The following KIFAP3 variants were observed in gnomAD, a reference collection of about 807,000 sequenced individuals.
KIFAP3 encodes kinesin-associated protein 3.
A neutral mutation model predicts 106.5 loss-of-function variants in KIFAP3; 68 were observed. That is an observed-to-expected ratio of 0.64 (90% CI 0.53 to 0.78). The LOEUF is 0.78. Ranked by LOEUF, KIFAP3 falls within the 30% of genes least tolerant of loss-of-function variation. The pLI is 0.00. For synonymous variants in KIFAP3, 320 were observed against 311.5 expected (o/e 1.03, Z -0.29); for missense variants, 780 against 941.8 (o/e 0.83, Z 2.25).
At chr1:169,962,441 T>C (rs556186507) in intron 17 of KIFAP3, among the ~76,000 whole-genome samples, 1 of 152,262 alleles carries the variant, frequency 6.6e-6, no homozygotes, top group Admixed American at 6.5e-5. Context: ...AATGATAGCA[T>C]GGATAGAAAA....
intron 17 of KIFAP3, among the ~76,000 whole-genome samples, chr1:169,972,267 T>C (rs688565): frequency 0.97 from 148,037 of 152,140 alleles, 72,048 homozygotes; most frequent in East Asian, 1. Flanking sequence ...AGTGACTCTG[T>C]GATGACATGT....
At chr1:170,010,593 T>C (rs1668194162) in intron 10 of KIFAP3, among the ~76,000 whole-genome samples, 1 of 152,010 alleles carries the variant, frequency 6.6e-6, no homozygotes, top group African/African-American at 2.4e-5. Context: ...AAGTAAACTT[T>C]GAGTGAAGTT....
chr1:170,044,157 G>C (rs1361774819), intron 3 of KIFAP3, among the ~76,000 whole-genome samples: 1 of 152,136 alleles, frequency 6.6e-6, no homozygotes, highest in African/African-American at 2.4e-5. Flanking sequence ...TATCAAAGTT[G>C]AAATGTTTAT....
intron 1 of KIFAP3, 85 bp downstream of exon 1, chr1:170,074,351 T>A: frequency 3.6e-6 from 5 of 1,375,870 alleles, no homozygotes; most frequent in South Asian, 1.3e-5. Context: ...AAACTAGCGT[T>A]GCCCAGTGAC....
intron 19 of KIFAP3, among the ~76,000 whole-genome samples, chr1:169,940,774 A>G (rs1279009358): frequency 6.6e-6 from 1 of 152,138 alleles, no homozygotes; most frequent in Non-Finnish European, 1.5e-5. Context: ...AAAATAATAC[A>G]ATTAGAATAA....
chr1:169,932,949 A>G (rs941509183), intron 19 of KIFAP3, among the ~76,000 whole-genome samples: 29 of 152,026 alleles, frequency 1.9e-4, no homozygotes, highest in African/African-American at 6.8e-4. Context: ...AATAATAGTC[A>G]AATTACATTT....
At position 169,982,858 on chromosome 1, in the gene KIFAP3, C is replaced by T. The variant is rs751623926; in HGVS notation, c.1516G>A (p.Gly506Arg). ...PTKNLFIDYV[G>R]DLAAQISNDE... Reference sequence around the variant, plus strand: ...TTAGAGATCTGGGCTGCAAGGTCCCCAACATAATCCTGAATAAAACATAAT... The same window carrying T: ...TTAGAGATCTGGGCTGCAAGGTCCCTAACATAATCCTGAATAAAACATAAT... Residue 506 changes from glycine to arginine, a missense_variant, in exon 14 of 20, where the codon GGG becomes AGG. Physicochemically the swap from Gly to Arg is moderately radical, Grantham distance 125. Coordinates refer to ENST00000361580, the MANE Select transcript of KIFAP3 (RefSeq NM_014970.4). The T allele has an allele frequency of 6.8e-7, 1 of 1,473,914 alleles. No individual in the cohort carries two copies. The highest frequency in any genetic ancestry group is 9.1e-7 in the Non-Finnish European group (1 of 1,103,158). The allele number at this position is 1,473,914 out of a possible 1,614,324, so 91.3% of individuals were successfully genotyped here.
intron 10 of KIFAP3, among the ~76,000 whole-genome samples, chr1:170,007,482 G>A (rs149479570): frequency 1.3e-5 from 2 of 152,040 alleles, no homozygotes; most frequent in East Asian, 1.9e-4. Flanking sequence ...TAACTAGAAG[G>A]TAAAAGAAGT....
In KIFAP3 at chr1:169,921,457, C is replaced by T. The variant is rs1373309567; in HGVS notation, c.*219G>A. On this transcript the variant is annotated 3_prime_UTR_variant, in exon 20 of 20. Transcript: ENST00000361580. Reference sequence around the variant, plus strand: ...GTGGCTCATGGGAAATGTTACTTAGCATCAAGATGTGGTTTGATGAGTGAA... The same window carrying T: ...GTGGCTCATGGGAAATGTTACTTAGTATCAAGATGTGGTTTGATGAGTGAA... The T allele has an allele frequency of 1.1e-5, 4 of 367,016 alleles. No individual in the cohort carries two copies. The highest frequency in any genetic ancestry group is 1.1e-4 in the South Asian group (2 of 17,890). The allele number at this position is 367,016 out of a possible 1,614,324, so 22.7% of individuals were successfully genotyped here.
intron 1 of KIFAP3, among the ~76,000 whole-genome samples, chr1:170,083,189 T>C (rs777338845): frequency 6.6e-6 from 1 of 152,120 alleles, no homozygotes; most frequent in Non-Finnish European, 1.5e-5. Context: ...GAAAACATCC[T>C]GAGTTAATCA....
chr1:170,068,926 T>C (rs1671574495), intron 1 of KIFAP3: 1 of 151,438 alleles, frequency 6.6e-6, no homozygotes, highest in African/African-American at 2.4e-5. Flanking sequence ...ATAGAGAAAA[T>C]GAAACCAAAG....
chr1:169,980,114 T>TA (rs1333248048), intron 15 of KIFAP3, among the ~76,000 whole-genome samples: 2 of 152,080 alleles, frequency 1.3e-5, no homozygotes, highest in Non-Finnish European at 2.9e-5. Flanking sequence ...AAGGAGGTGG[T>TA]AATGACTGAG....
intron 17 of KIFAP3, among the ~76,000 whole-genome samples, chr1:169,967,329 T>C (rs1471952320): frequency 6.6e-6 from 1 of 151,858 alleles, no homozygotes; most frequent in Admixed American, 6.6e-5. Context: ...TTTTTCCCTT[T>C]TCCATTTCAG....
intron 10 of KIFAP3, among the ~76,000 whole-genome samples, chr1:169,992,790 T>A (rs1667167290): frequency 6.6e-6 from 1 of 152,130 alleles, no homozygotes; most frequent in Non-Finnish European, 1.5e-5. Context: ...GTCTCAGAAC[T>A]TCTAAGGTAA....
At position 170,034,548 on chromosome 1, in the gene KIFAP3, C is replaced by T. The variant is rs749983376; in HGVS notation, c.618-52G>A. On this transcript the variant is annotated intron_variant, in intron 6 of 19. Coordinates refer to ENST00000361580, the MANE Select transcript of KIFAP3 (RefSeq NM_014970.4). Reference sequence around the variant, plus strand: ...TTTAAAAGAATACATTTTATGGGTACAGGAAATTTGTTTTTGGTGATCACT... The same window carrying T: ...TTTAAAAGAATACATTTTATGGGTATAGGAAATTTGTTTTTGGTGATCACT... The T allele has an allele frequency of 3.8e-6, 4 of 1,063,860 alleles. No individual in the cohort carries two copies. The South Asian group carries it at 5.4e-5, about 14-fold the overall frequency. The allele number at this position is 1,063,860 out of a possible 1,614,324, so 65.9% of individuals were successfully genotyped here. A position where few individuals can be genotyped will look rare whatever the true frequency, so the allele number is the denominator to read the frequency against.
At chr1:170,013,032 GCC>G (rs1668319640) in intron 10 of KIFAP3, among the ~76,000 whole-genome samples, 1 of 152,054 alleles carries the variant, frequency 6.6e-6, no homozygotes, top group Non-Finnish European at 1.5e-5. Context: ...ACCATACAGT[GCC>G]TTTAGAAAAG....
chr1:170,030,278 A>C (rs1207406234), intron 8 of KIFAP3, among the ~76,000 whole-genome samples: 1 of 151,944 alleles, frequency 6.6e-6, no homozygotes, highest in Non-Finnish European at 1.5e-5. Flanking sequence ...ATGAAGGCAC[A>C]CTTCAATAAA....
intron 11 of KIFAP3, among the ~76,000 whole-genome samples, chr1:169,989,144 C>T (rs1157561883): frequency 6.6e-6 from 1 of 151,946 alleles, no homozygotes; most frequent in African/African-American, 2.4e-5. Flanking sequence ...TTTCTGTATA[C>T]ACAGTTTTAA....
In KIFAP3 at chr1:169,954,075, C is replaced by A. The variant is rs200643889; in HGVS notation, c.2209G>T (p.Asp737Tyr). Residue 737 changes from aspartate (D) to tyrosine (Y), a missense_variant, in exon 19 of 20, where the codon GAT becomes TAT. Physicochemically the swap from Asp to Tyr is radical, Grantham distance 160. Coordinates refer to ENST00000361580, the MANE Select transcript of KIFAP3 (RefSeq NM_014970.4). ...TGAAGGTGGTAATCATTGAAGAAAT[C>A]GGGACTTATGGCTCCTTCAGAGGCA... Reference protein sequence around the residue: ...LIASEGAISPDFFNDYHLQNG... With the variant: ...LIASEGAISPYFFNDYHLQNG... 1.2e-6 allele frequency: 2 copies of A among 1,612,896 alleles called. No homozygotes were observed. The highest frequency in any genetic ancestry group is 2.2e-5 in the South Asian group (2 of 91,062).
Sources: allele counts gnomAD v4.1 joint callset (sites outside exome capture counted in the v4.1 genomes callset), GRCh38; gene constraint gnomAD v4.1.1; transcripts MANE v1.5; gene names NCBI Gene and HGNC (gene_info 2026-07-23, HGNC 2026-07-21).